The following CRYGN variants were observed in gnomAD, a reference collection of about 807,000 sequenced individuals.
The protein encoded by CRYGN is gamma-crystallin N.
A neutral mutation model predicts 19.2 loss-of-function variants in CRYGN; 17 were observed. The observed-to-expected ratio is 0.89, with a 90% confidence interval of 0.61 to 1.33. The LOEUF is 1.33. CRYGN is among the 40% of genes most tolerant of loss of function. CRYGN has a pLI of 0.00. For synonymous variants in CRYGN, 84 were observed against 85.8 expected (o/e 0.98, Z 0.12); for missense variants, 239 against 239.6 (o/e 1.00, Z 0.02).
In CRYGN at chr7:151,438,188, G is replaced by A. The variant is rs1280137803; in HGVS notation, c.78C>T (p.Asp26=). 1 of 1,614,134 alleles carries A rather than the reference G, an allele frequency of 6.2e-7. No homozygotes were observed. Among genetic ancestry groups the A allele is most frequent in the Admixed American group, 1.7e-5 (1 of 60,032 alleles). Residue 26 remains aspartate (D), a synonymous_variant, in exon 2 of 4, where the codon GAC becomes GAT. Coordinates refer to ENST00000337323, the MANE Select transcript of CRYGN (RefSeq NM_144727.3). Reference sequence around the variant, plus strand: ...AGCCCCGGTCCTGGAAGTTGTCACAGTCCCCGAAGACCTCCAGCTTCTGCC... The same window carrying A: ...AGCCCCGGTCCTGGAAGTTGTCACAATCCCCGAAGACCTCCAGCTTCTGCC... ...FTGQKLEVFG[D]CDNFQDRGFM...
chr7:151,436,258 A>G lies in CRYGN; in HGVS notation c.338T>C (p.Leu113Pro). The change falls in exon 3 of 4, where the codon CTG becomes CCG. Residue 113 changes from leucine (L) to proline (P), a missense_variant. Physicochemically the swap from Leu to Pro is moderately conservative, Grantham distance 98. Coordinates refer to ENST00000337323, the MANE Select transcript of CRYGN (RefSeq NM_144727.3). This position sits in a 1 kb window ranked among gnomAD's most constrained non-coding sequence, Gnocchi z 5.1. ...GCTCTGGAGGAAGGGGCTGTCCTCC[A>G]GGAACTCCAGGCACTGGCCCGTGAA... is the stretch of plus-strand genomic sequence containing the variant. ...CNFTGQCLEFLEDSPFLQSRG... is the reference protein window; with the variant it reads ...CNFTGQCLEFPEDSPFLQSRG... 6.2e-7 allele frequency: 1 copy of G among 1,600,092 alleles called. No homozygotes were observed. The highest frequency in any genetic ancestry group is 8.5e-7 in the Non-Finnish European group (1 of 1,173,210).
In CRYGN at chr7:151,431,471, G is replaced by T. The variant is rs184645466; in HGVS notation, c.417-1291C>A. On this transcript the variant is annotated intron_variant, in intron 3 of 3. Transcript: ENST00000337323. This position sits in a 1 kb window ranked among gnomAD's most constrained non-coding sequence, Gnocchi z 4.8. Reference sequence around the variant, plus strand: ...GAATGGAGGAATTCTACAGGCGAGCGCTTGGTGCTGCACCAGCTGAAGACG... The same window carrying T: ...GAATGGAGGAATTCTACAGGCGAGCTCTTGGTGCTGCACCAGCTGAAGACG... 1.3e-5 allele frequency among the ~76,000 whole-genome samples: 2 copies of T among 152,280 alleles called. No individual in the cohort carries two copies. Among genetic ancestry groups the T allele is most frequent in the Admixed American group, 1.3e-4 (2 of 15,306 alleles).
rs538987053 is a variant in CRYGN, at chr7:151,436,189, C to T, written c.407G>A (p.Gly136Glu). ...CGTGGCCTGTACTCACGCTCCGTCC[C>T]CGTACACCTTGATGGTGTTCACACA... ...KNCVNTIKVY[G>E]DGAAWSPRSF... The change falls in exon 3 of 4, where the codon GGG (glycine) becomes GAG (glutamate). Residue 136 changes from glycine to glutamate, a missense_variant. Coordinates refer to ENST00000337323, the MANE Select transcript of CRYGN (RefSeq NM_144727.3). This position sits in a 1 kb window ranked among gnomAD's most constrained non-coding sequence, Gnocchi z 5.1. The T allele has an allele frequency of 1.4e-5, 22 of 1,535,608 alleles. No individual in the cohort carries two copies. The South Asian group carries it at 2.7e-4, about 19-fold the overall frequency.
In CRYGN at chr7:151,436,366, T is replaced by C; in HGVS notation, c.271-41A>G. On this transcript the variant is annotated intron_variant, in intron 2 of 3. Coordinates refer to ENST00000337323, the MANE Select transcript of CRYGN (RefSeq NM_144727.3). The surrounding 1 kb of genome is among the most constrained non-coding windows in gnomAD (Gnocchi z 5.1). The stretch of plus-strand genomic sequence containing the variant: ...AAAAAGAAGGAAAGAAGGAGGTTGC[T>C]GTGAATTCCCCTCTCCCAGAAACAG... 1 of 1,466,118 alleles carries C rather than the reference T, an allele frequency of 6.8e-7. No individual in the cohort carries two copies. Among genetic ancestry groups the C allele is most frequent in the Non-Finnish European group, 9.1e-7 (1 of 1,100,370 alleles). The allele number at this position is 1,466,118 out of a possible 1,614,324, so 90.8% of individuals were successfully genotyped here.
chr7:151,434,435 A>G (rs192456195), intron 3 of CRYGN, among the ~76,000 whole-genome samples: 4 of 152,276 alleles, frequency 2.6e-5, no homozygotes, highest in Admixed American at 2.0e-4. Context: ...TTGGAATGCC[A>G]CCCCTGGGCT....
At chr7:151,432,078 G>A in intron 3 of CRYGN, 1 of 705,244 alleles carries the variant, frequency 1.4e-6, no homozygotes, top group Non-Finnish European at 2.0e-6. Context: ...AGGTCCCGAG[G>A]TCTGGGTGGG....
chr7:151,437,262 G>A (rs541816759), intron 2 of CRYGN, among the ~76,000 whole-genome samples: 1 of 152,262 alleles, frequency 6.6e-6, no homozygotes, highest in African/African-American at 2.4e-5. Flanking sequence ...TCGGGGGAGG[G>A]TCCTCAGCAG....
rs1259193910 is a variant in CRYGN at position 151,440,057 on chromosome 7, A to T, written c.-140T>A. 6 of 1,352,462 alleles carry T rather than the reference A, an allele frequency of 4.4e-6. No homozygotes were observed. The East Asian group carries it at 1.2e-4, about 28-fold the overall frequency. The allele number at this position is 1,352,462 out of a possible 1,614,324, so 83.8% of individuals were successfully genotyped here. A position where few individuals can be genotyped will look rare whatever the true frequency, so the allele number is the denominator to read the frequency against. On this transcript the variant is annotated 5_prime_UTR_variant, in exon 1 of 4. Transcript: ENST00000337323. ...GGCGTGCTAAGCCCGAGGGGCCACCAGGCGGTTGGGACCCGCCGCGGCCAC... is the reference window on the plus strand; with the variant it reads ...GGCGTGCTAAGCCCGAGGGGCCACCTGGCGGTTGGGACCCGCCGCGGCCAC...
In CRYGN at chr7:151,437,999, T is replaced by G. The variant is rs763593748; in HGVS notation, c.267A>C (p.Gly89=). 4.3e-6 allele frequency: 7 copies of G among 1,612,788 alleles called. No homozygotes were observed. Among genetic ancestry groups the G allele is most frequent in the African/African-American group, 2.7e-5 (2 of 74,884 alleles). The change falls in exon 2 of 4, where the codon GGA becomes GGC. Residue 89 remains glycine, a synonymous_variant. Transcript: ENST00000337323. The part of the protein sequence containing the change: ...SDHMGSCRPV[G]MHGEHFRLEI... The stretch of plus-strand genomic sequence containing the variant: ...TTCGGTGGACGGGCCCACTCACCAT[T>G]CCTACAGGCCGACAGGAGCCCATGT...
chr7:151,440,200 C>T, upstream of CRYGN: 4 of 940,618 alleles, frequency 4.3e-6, no homozygotes, highest in Non-Finnish European at 5.8e-6. Context: ...TGCCCCTGCC[C>T]TGCCCTGGAG....
rs1801434893 is a variant in CRYGN, at chr7:151,430,326, C to T, written c.417-146G>A. 4 of 793,170 alleles carry T rather than the reference C, an allele frequency of 5.0e-6. No individual in the cohort carries two copies. The highest frequency in any genetic ancestry group is 7.9e-6 in the Non-Finnish European group (4 of 505,908). The allele number at this position is 793,170 out of a possible 1,614,324, so 49.1% of individuals were successfully genotyped here. A position where few individuals can be genotyped will look rare whatever the true frequency, so the allele number is the denominator to read the frequency against. Reference sequence around the variant, plus strand: ...CGGTTGCCTAGTGGTTTCATGTCTTCATTTGGCCTCGGCTGTCATGGGACA... The same window carrying T: ...CGGTTGCCTAGTGGTTTCATGTCTTTATTTGGCCTCGGCTGTCATGGGACA... On this transcript the variant is annotated intron_variant, in intron 3 of 3. Coordinates refer to ENST00000337323, the MANE Select transcript of CRYGN (RefSeq NM_144727.3). The surrounding 1 kb of genome is among the most constrained non-coding windows in gnomAD (Gnocchi z 5.2).
In CRYGN at chr7:151,431,924, A is replaced by G. The variant is rs1471769810; in HGVS notation, c.417-1744T>C. On this transcript the variant is annotated intron_variant, in intron 3 of 3. Transcript: ENST00000337323. This position sits in a 1 kb window ranked among gnomAD's most constrained non-coding sequence, Gnocchi z 4.8. ...CCATTGCTTCTCACCACCTCTCCCC[A>G]CCACTCTCCCCTCCCTGGCCCAGGG... The G allele has an allele frequency of 3.0e-6, 1 of 330,932 alleles. No individual in the cohort carries two copies. The highest frequency in any genetic ancestry group is 4.4e-5 in the East Asian group (1 of 22,554). The allele number at this position is 330,932 out of a possible 1,614,324, so 20.5% of individuals were successfully genotyped here. A position where few individuals can be genotyped will look rare whatever the true frequency, so the allele number is the denominator to read the frequency against.
intron 3 of CRYGN, among the ~76,000 whole-genome samples, chr7:151,434,001 G>A (rs1225594607): frequency 2.6e-5 from 4 of 152,126 alleles, no homozygotes; most frequent in African/African-American, 9.7e-5. Context: ...GGGACCCAGA[G>A]GGAAGGAGTC....
intron 3 of CRYGN, among the ~76,000 whole-genome samples, chr7:151,434,300 C>T (rs1311284713): frequency 6.6e-6 from 1 of 152,148 alleles, no homozygotes; most frequent in African/African-American, 2.4e-5. Flanking sequence ...CAACAAGCCC[C>T]TGAGCGTTGG....
rs201070606 is a variant in CRYGN at position 151,436,144 on chromosome 7, C to T, written c.416+36G>A. 1.2e-5 allele frequency: 17 copies of T among 1,388,016 alleles called. No homozygotes were observed. Among genetic ancestry groups the T allele is most frequent in the Middle Eastern group, 1.9e-4 (1 of 5,178 alleles). The allele number at this position is 1,388,016 out of a possible 1,614,324, so 86.0% of individuals were successfully genotyped here. On this transcript the variant is annotated intron_variant, in intron 3 of 3. Transcript: ENST00000337323. The surrounding 1 kb of genome is among the most constrained non-coding windows in gnomAD (Gnocchi z 5.1). ...CACGCCTGGTGCTGAAGGGCCTAGC[C>T]GGGCCTCGGGGTGCGGCCACGTGGC...
chr7:151,436,112 A>C lies in CRYGN; in HGVS notation c.416+68T>G. 1 of 1,257,098 alleles carries C rather than the reference A, an allele frequency of 8.0e-7. No homozygotes were observed. The highest frequency in any genetic ancestry group is 1.0e-6 in the Non-Finnish European group (1 of 972,772). 77.9% of individuals were successfully genotyped at this position (1,257,098 alleles called of 1,614,324 possible). ...CACCCACCACCCCTGTGTGGCGGGCAGCCTCCCACGCCTGGTGCTGAAGGG... is the reference window on the plus strand; with the variant it reads ...CACCCACCACCCCTGTGTGGCGGGCCGCCTCCCACGCCTGGTGCTGAAGGG... On this transcript the variant is annotated intron_variant, in intron 3 of 3. Coordinates refer to ENST00000337323, the MANE Select transcript of CRYGN (RefSeq NM_144727.3). The surrounding 1 kb of genome is among the most constrained non-coding windows in gnomAD (Gnocchi z 5.1).
chr7:151,436,108 G>A lies in CRYGN; in HGVS notation c.416+72C>T, dbSNP rs1402291250. 4 of 1,247,940 alleles carry A rather than the reference G, an allele frequency of 3.2e-6. No individual in the cohort carries two copies. Among genetic ancestry groups the A allele is most frequent in the South Asian group, 2.6e-5 (1 of 38,300 alleles). 77.3% of individuals were successfully genotyped at this position (1,247,940 alleles called of 1,614,324 possible). On this transcript the variant is annotated intron_variant, in intron 3 of 3. Coordinates refer to ENST00000337323, the MANE Select transcript of CRYGN (RefSeq NM_144727.3). This position sits in a 1 kb window ranked among gnomAD's most constrained non-coding sequence, Gnocchi z 5.1. ...ACCCCACCCACCACCCCTGTGTGGC[G>A]GGCAGCCTCCCACGCCTGGTGCTGA...
rs2075002 is a variant in CRYGN at position 151,435,579 on chromosome 7, C to T, written c.416+601G>A. Among the ~76,000 whole-genome samples, 16,841 of 152,080 alleles carry T rather than the reference C, an allele frequency of 0.11. 1,396 individuals are homozygous for T. The highest frequency in any genetic ancestry group is 0.42 in the East Asian group (2,144 of 5,138). On this transcript the variant is annotated intron_variant, in intron 3 of 3. Transcript: ENST00000337323. The surrounding 1 kb of genome is among the most constrained non-coding windows in gnomAD (Gnocchi z 4.2). ...GTGGGGCAGACAAACCCATCTGGGC[C>T]TGGGCAAAATTCCCCCAGCTACTTT...
Position 151,436,227 on chromosome 7 carries a change from G to GC in CRYGN, c.368dup (p.Trp124LeufsTer21), listed in dbSNP as rs1801604829. 1 of 1,595,474 alleles carries GC rather than the reference G, an allele frequency of 6.3e-7. No individual in the cohort carries two copies. On this transcript the variant is annotated frameshift_variant, in exon 3 of 4. Coordinates refer to ENST00000337323, the MANE Select transcript of CRYGN (RefSeq NM_144727.3). LOFTEE classifies it high-confidence loss of function. This position sits in a 1 kb window ranked among gnomAD's most constrained non-coding sequence, Gnocchi z 5.1. ...TGGTGTTCACACAGTTCTTGACCCA[G>GC]CCCCTGCTCTGGAGGAAGGGGCTGT... is the stretch of plus-strand genomic sequence containing the variant.
Sources: allele counts gnomAD v4.1 joint callset (sites outside exome capture counted in the v4.1 genomes callset), GRCh38; gene constraint gnomAD v4.1.1; non-coding constraint Gnocchi (gnomAD v3.1); transcripts MANE v1.5; gene names NCBI Gene and HGNC (gene_info 2026-07-23, HGNC 2026-07-21).